SENP1: variants seen among roughly 807,000 people sequenced by gnomAD.
SENP1 encodes SUMO specific peptidase 1, also known as sentrin-specific protease 1.
A neutral mutation model predicts 93.0 loss-of-function variants in SENP1; 21 were observed. The ratio of observed to expected loss-of-function variants is 0.23; its 90% CI spans 0.16 to 0.33. SENP1 has a LOEUF of 0.33. SENP1 is among the 10% of genes least tolerant of loss of function. The probability of loss-of-function intolerance (pLI) is 1.00; values close to 1 mark genes in which losing one functional copy is unlikely to be tolerated. For missense variants in SENP1, 591 were observed against 758.7 expected (o/e 0.78, Z 2.60); for synonymous variants, 256 against 259.6 (o/e 0.99, Z 0.13).
At chr12:48,047,164 T>C in intron 15 of SENP1, 102 bp from the exon 16 acceptor site, 1 of 702,316 alleles carries the variant, frequency 1.4e-6, no homozygotes, top group Non-Finnish European at 2.5e-6. Flanking sequence ...ATTTGTTTCA[T>C]CTGCTCTTCT....
At chr12:48,090,871 T>C (rs893646624) in intron 4 of SENP1, among the ~76,000 whole-genome samples, 1 of 152,100 alleles carries the variant, frequency 6.6e-6, no homozygotes, top group African/African-American at 2.4e-5. Context: ...GGCAAAGTAC[T>C]GAGATAATAC....
intron 13 of SENP1, among the ~76,000 whole-genome samples, chr12:48,052,186 C>G (rs572249950): frequency 6.6e-6 from 1 of 152,296 alleles, no homozygotes; most frequent in African/African-American, 2.4e-5. Context: ...AGGATTCAAT[C>G]TTTTTCCTGT....
intron 4 of SENP1, among the ~76,000 whole-genome samples, chr12:48,091,734 A>C (rs1449131412): frequency 1.3e-5 from 2 of 152,064 alleles, no homozygotes; most frequent in African/African-American, 4.8e-5. Context: ...GCTGGAGTAC[A>C]GTGGCACCAT....
intron 6 of SENP1, among the ~76,000 whole-genome samples, chr12:48,077,967 A>G (rs898917998): frequency 1.3e-5 from 2 of 152,090 alleles, no homozygotes; most frequent in Non-Finnish European, 2.9e-5. Context: ...GAAAAATAAC[A>G]TTGGAATTTT....
At chr12:48,080,122 GA>G (rs1250536321) in intron 6 of SENP1, 1 of 152,164 alleles carries the variant, frequency 6.6e-6, no homozygotes, top group Non-Finnish European at 1.5e-5. Context: ...TTTCCAAACA[GA>G]ACTTTATATC....
chr12:48,046,552 A>G (rs1565727475), intron 16 of SENP1, 101 bp from the exon 17 acceptor site: 1 of 848,832 alleles, frequency 1.2e-6, no homozygotes, highest in Non-Finnish European at 2.0e-6. Context: ...GGTTTCTCTA[A>G]ATTACAAACA....
At chr12:48,104,874 G>A (rs1946359530) in intron 1 of SENP1, among the ~76,000 whole-genome samples, 1 of 152,158 alleles carries the variant, frequency 6.6e-6, no homozygotes. Flanking sequence ...ATTGAAGTCA[G>A]TTAAAAATGA....
At chr12:48,092,635 A>G (rs1353290744) in intron 4 of SENP1, among the ~76,000 whole-genome samples, 3 of 152,132 alleles carry the variant, frequency 2.0e-5, no homozygotes, top group Non-Finnish European at 4.4e-5. Context: ...ATTATTTACT[A>G]TTGTTATTCT....
rs1565774891 is a variant in SENP1, at chr12:48,074,331, T to C, written c.933A>G (p.Gln311=). 2 of 1,610,710 alleles carry C rather than the reference T, an allele frequency of 1.2e-6. No individual in the cohort carries two copies. The highest frequency in any genetic ancestry group is 2.2e-5 in the East Asian group (1 of 44,820). ...ATATGATACCATGTTTACCTTCAGA[T>C]TGTGTATTTGAAGCTGCTAAGTTAT... ...QPDNLAASNT[Q]SEGSDSVILL... is the part of the protein sequence containing the mutation. The change falls in exon 8 of 18, where the codon CAA becomes CAG. Residue 311 remains glutamine, a synonymous_variant. Transcript: ENST00000549518.
chr12:48,064,140 A>G (rs1436454007), intron 12 of SENP1, among the ~76,000 whole-genome samples: 2 of 152,196 alleles, frequency 1.3e-5, no homozygotes, highest in East Asian at 3.8e-4. Context: ...TTCTAAGCAC[A>G]TGAGAAAAAT....
intron 6 of SENP1, among the ~76,000 whole-genome samples, chr12:48,079,751 A>G (rs1192136258): frequency 8.5e-6 from 1 of 117,580 alleles, no homozygotes; most frequent in Non-Finnish European, 1.8e-5. Context: ...ACTTTAATAG[A>G]GAGCACAAAA....
In SENP1 at chr12:48,045,285, C is replaced by G; in HGVS notation, c.*37G>C. 6.4e-7 allele frequency: 1 copy of G among 1,570,914 alleles called. No individual in the cohort carries two copies. ...TGGCTGTAGACAACAAAGAGCTGGT[C>G]CCCCACATGGTCAAGGTCTGCTAAG... On this transcript the variant is annotated 3_prime_UTR_variant, in exon 18 of 18. Transcript: ENST00000549518.
intron 1 of SENP1, 166 bp downstream of exon 1, chr12:48,105,862 G>A (rs1460988280): frequency 1.7e-6 from 1 of 605,574 alleles, no homozygotes; most frequent in South Asian, 2.0e-5. Context: ...CAGCAGGGGG[G>A]AGGGGAGGTG....
chr12:48,062,629 T>TA (rs1321339159), intron 13 of SENP1, among the ~76,000 whole-genome samples: 1 of 152,208 alleles, frequency 6.6e-6, no homozygotes, highest in African/African-American at 2.4e-5. Flanking sequence ...GATTCTGAGG[T>TA]AGTTAAGATA....
intron 13 of SENP1, chr12:48,055,128 C>A: frequency 3.8e-6 from 1 of 261,756 alleles, no homozygotes; most frequent in South Asian, 6.0e-5. Context: ...TACACTTTCT[C>A]TTGCGCTTGG....
chr12:48,098,787 G>A (rs552284271), intron 2 of SENP1, among the ~76,000 whole-genome samples: 8 of 152,164 alleles, frequency 5.3e-5, no homozygotes, highest in Non-Finnish European at 1.0e-4. Flanking sequence ...ACTCCAGCCT[G>A]GGGGACAGAG....
chr12:48,070,815 G>C (rs1393824260), intron 9 of SENP1, among the ~76,000 whole-genome samples: 3 of 152,158 alleles, frequency 2.0e-5, no homozygotes, highest in Non-Finnish European at 2.9e-5. Context: ...CAGCAGGCCG[G>C]GTGCAGTGGC....
rs769762625 is a variant in SENP1 at position 48,089,179 on chromosome 12, G to C, written c.221-219C>G. 7 of 1,529,516 alleles carry C rather than the reference G, an allele frequency of 4.6e-6. No homozygotes were observed. In the African/African-American group the frequency reaches 8.2e-5, roughly 18 times the overall value. 94.7% of individuals were successfully genotyped at this position (1,529,516 alleles called of 1,614,324 possible). On this transcript the variant is annotated intron_variant, in intron 4 of 17. Transcript: ENST00000549518. ...CATACTAACCTGAAAATTGATGAAG[G>C]AGCTGAATCCTGCCACAGCCATGTG...
At chr12:48,060,288 C>A (rs926756746) in intron 13 of SENP1, among the ~76,000 whole-genome samples, 3 of 152,168 alleles carry the variant, frequency 2.0e-5, no homozygotes, top group Admixed American at 2.0e-4. Flanking sequence ...TACTTGTATA[C>A]CTAAATTATA....
Sources: gnomAD v4.1 joint callset for allele counts (sites outside exome capture counted in the v4.1 genomes callset) on GRCh38, gnomAD v4.1.1 for gene constraint, MANE v1.5 for transcripts, NCBI Gene and HGNC (gene_info 2026-07-23, HGNC 2026-07-21) for gene names.